FNDC3A: variants seen among roughly 807,000 people sequenced by gnomAD.
FNDC3A encodes the protein fibronectin type III domain containing 3A, also known as fibronectin type-III domain-containing protein 3A.
Under a neutral mutation model 148.9 loss-of-function variants are expected in FNDC3A, and 32 were observed. The observed-to-expected ratio is 0.21, with a 90% CI of 0.16 to 0.29. The LOEUF (loss-of-function observed/expected upper bound fraction) is 0.29. Among genes scored for constraint, FNDC3A ranks in the 10% least tolerant of loss-of-function variants. FNDC3A has a pLI of 1.00. For synonymous variants in FNDC3A, 472 were observed against 473.6 expected (o/e 1.00, Z 0.04); for missense variants, 1,191 against 1,452.8 (o/e 0.82, Z 2.93).
intron 2 of FNDC3A, among the ~76,000 whole-genome samples, chr13:49,019,773 T>C (rs1440422703): frequency 6.6e-6 from 1 of 152,222 alleles, no homozygotes; most frequent in South Asian, 2.1e-4. Flanking sequence ...TGTTCATGAG[T>C]GAGACTGTCC....
At chr13:49,075,216 G>T in intron 2 of FNDC3A, 73 bp from the exon 3 acceptor site, 1 of 846,456 alleles carries the variant, frequency 1.2e-6, no homozygotes, top group East Asian at 2.5e-5. Context: ...GCTTATATCT[G>T]CTCTGTTACT....
At chr13:49,045,583 A>G (rs113615865) in intron 2 of FNDC3A, 14 of 429,206 alleles carry the variant, frequency 3.3e-5, no homozygotes, top group African/African-American at 1.7e-4. Flanking sequence ...ATCCCATACC[A>G]TACTCTCTTA....
At chr13:49,126,771 A>G (rs1306080588) in intron 4 of FNDC3A, among the ~76,000 whole-genome samples, 2 of 152,226 alleles carry the variant, frequency 1.3e-5, no homozygotes, top group African/African-American at 4.8e-5. Flanking sequence ...AATAGTATGT[A>G]GCATTGTTCC....
intron 3 of FNDC3A, 90 bp from the exon 4 acceptor site, chr13:49,114,565 A>G: frequency 1.2e-6 from 1 of 821,790 alleles, no homozygotes; most frequent in Non-Finnish European, 2.1e-6. Flanking sequence ...GAGTGTTTAG[A>G]TGAAGTATTC....
At chr13:49,082,309 C>A (rs1478892430) in intron 3 of FNDC3A, among the ~76,000 whole-genome samples, 6 of 151,876 alleles carry the variant, frequency 4.0e-5, no homozygotes, top group African/African-American at 1.5e-4. Flanking sequence ...TCACTTGGAC[C>A]CGGGAAGCAG....
Position 49,201,789 on chromosome 13 carries a change from T to C in FNDC3A, c.2988-11T>C, listed in dbSNP as rs1237193908. On this transcript the variant is annotated splice_polypyrimidine_tract_variant and intron_variant, in intron 23 of 25. Transcript: ENST00000492622. The stretch of plus-strand genomic sequence containing the variant: ...AGTATAAGGTTTATCTAATAGTTAT[T>C]TCCATTTTAGGTTTGTATCCCTATA... The C allele has an allele frequency of 7.2e-7, 1 of 1,393,312 alleles. No homozygotes were observed. The highest frequency in any genetic ancestry group is 1.5e-5 in the South Asian group (1 of 65,268). 86.3% of individuals were successfully genotyped at this position (1,393,312 alleles called of 1,614,324 possible). A position where few individuals can be genotyped will look rare whatever the true frequency, so the allele number is the denominator to read the frequency against.
chr13:49,165,132 T>G lies in FNDC3A; in HGVS notation c.978-2112T>G, dbSNP rs1164860351. 2.0e-5 allele frequency among the ~76,000 whole-genome samples: 3 copies of G among 152,364 alleles called. No individual in the cohort carries two copies. In the South Asian group the frequency reaches 6.2e-4, roughly 32 times the overall value. On this transcript the variant is annotated intron_variant, in intron 8 of 25. Transcript: ENST00000492622. ...ATATTTGAGCTGAGCATCTTTAATATCACTATTTCAAATTTATAATCTGGG... is the reference window on the plus strand; with the variant it reads ...ATATTTGAGCTGAGCATCTTTAATAGCACTATTTCAAATTTATAATCTGGG...
In FNDC3A at chr13:49,131,212, G is replaced by A. The variant is rs1177559592; in HGVS notation, c.328G>A (p.Val110Ile). The A allele has an allele frequency of 6.2e-7, 1 of 1,614,064 alleles. No individual in the cohort carries two copies. Among genetic ancestry groups the A allele is most frequent in the Non-Finnish European group, 8.5e-7 (1 of 1,179,984 alleles). The change falls in exon 5 of 26, where the codon GTT becomes ATT. Residue 110 changes from valine to isoleucine, a missense_variant. Physicochemically the swap from Val to Ile is conservative, Grantham distance 29. Coordinates refer to ENST00000492622, the MANE Select transcript of FNDC3A (RefSeq NM_001079673.2). The part of the protein sequence containing the change: ...APEFHPGSHT[V>I]LHRSPHPPLP... ...AGAGTTTCACCCTGGTAGTCACACA[G>A]TTCTCCACCGTTCTCCACATCCTCC...
chr13:49,174,361 C>A, intron 11 of FNDC3A, 74 bp from the exon 12 acceptor site: 1 of 1,270,740 alleles, frequency 7.9e-7, no homozygotes, highest in Non-Finnish European at 1.1e-6. Flanking sequence ...ATGTAACTGT[C>A]AAGAAGGAAT....
intron 10 of FNDC3A, 64 bp from the exon 11 acceptor site, chr13:49,171,979 C>A: frequency 9.3e-7 from 1 of 1,074,194 alleles, no homozygotes; most frequent in Non-Finnish European, 1.4e-6. Context: ...TATATTAGAT[C>A]ATCACAGTAT....
intron 4 of FNDC3A, among the ~76,000 whole-genome samples, chr13:49,126,668 AT>A (rs774826409): frequency 1.7e-4 from 26 of 152,300 alleles, no homozygotes; most frequent in Non-Finnish European, 2.6e-4. Context: ...CCAAGTGCAA[AT>A]ACTAGCTCCC....
intron 2 of FNDC3A, among the ~76,000 whole-genome samples, chr13:49,012,343 G>A (rs1002806853): frequency 6.6e-6 from 1 of 152,030 alleles, no homozygotes; most frequent in African/African-American, 2.4e-5. Flanking sequence ...TTGATCTCCT[G>A]ACCTCGTGAT....
chr13:49,054,691 T>C (rs1876098309), intron 2 of FNDC3A, among the ~76,000 whole-genome samples: 1 of 152,190 alleles, frequency 6.6e-6, no homozygotes, highest in South Asian at 2.1e-4. Context: ...AACATAGCCA[T>C]GGTCAAGGTG....
At chr13:49,016,255 C>T (rs1449400142) in intron 2 of FNDC3A, among the ~76,000 whole-genome samples, 1 of 152,090 alleles carries the variant, frequency 6.6e-6, no homozygotes, top group Non-Finnish European at 1.5e-5. Context: ...GGTTGGTAAG[C>T]TATTGATTAT....
Position 49,175,481 on chromosome 13 carries a change from C to A in FNDC3A, c.1470C>A (p.Pro490=), listed in dbSNP as rs768226164. The part of the protein sequence containing the change: ...ITWLSLQWSK[P]SGTPSDEGIS... ...GGTTATCCTTACAATGGAGTAAGCC[C>A]TCAGGAACACCATCAGATGAAGGAA... The change falls in exon 13 of 26, where the codon CCC becomes CCA. Residue 490 remains proline, a synonymous_variant. Coordinates refer to ENST00000492622, the MANE Select transcript of FNDC3A (RefSeq NM_001079673.2). The A allele has an allele frequency of 2.5e-6, 4 of 1,612,756 alleles. No individual in the cohort carries two copies. The Admixed American group carries it at 6.7e-5, about 27-fold the overall frequency.
intron 2 of FNDC3A, among the ~76,000 whole-genome samples, chr13:49,043,661 T>A (rs1410389776): frequency 6.6e-6 from 1 of 152,236 alleles, no homozygotes; most frequent in African/African-American, 2.4e-5. Flanking sequence ...AGCAAAACTT[T>A]GGCCATTTTT....
intron 3 of FNDC3A, among the ~76,000 whole-genome samples, chr13:49,095,675 A>G (rs140202453): frequency 1.3e-5 from 2 of 152,116 alleles, no homozygotes; most frequent in Non-Finnish European, 2.9e-5. Flanking sequence ...CTGAATCACA[A>G]ACACAGAGAT....
chr13:49,078,469 CTG>C (rs1878263960), intron 3 of FNDC3A, among the ~76,000 whole-genome samples: 1 of 152,106 alleles, frequency 6.6e-6, no homozygotes, highest in African/African-American at 2.4e-5. Context: ...AGATTGGAGA[CTG>C]TTTTAAAATT....
chr13:49,121,428 T>A (rs1881335786), intron 4 of FNDC3A, among the ~76,000 whole-genome samples: 1 of 151,878 alleles, frequency 6.6e-6, no homozygotes, highest in Non-Finnish European at 1.5e-5. Context: ...ACATCACAAT[T>A]AAAAGAACCA....
Sources: allele counts gnomAD v4.1 joint callset (sites outside exome capture counted in the v4.1 genomes callset), GRCh38; gene constraint gnomAD v4.1.1; transcripts MANE v1.5; gene names NCBI Gene and HGNC (gene_info 2026-07-23, HGNC 2026-07-21).